PKD1L1: variants seen among roughly 807,000 people sequenced by gnomAD.
PKD1L1 encodes polycystin 1 like 1, transient receptor potential channel interacting, also known as polycystin-1-like protein 1.
A neutral mutation model predicts 323.4 loss-of-function variants in PKD1L1; 236 were observed. The ratio of observed to expected loss-of-function variants is 0.73; its 90% CI spans 0.66 to 0.81. The LOEUF (loss-of-function observed/expected upper bound fraction) is 0.81, where lower values mean the gene tolerates loss of function less well. Ranked by LOEUF, PKD1L1 falls within the 40% of genes least tolerant of loss-of-function variation. PKD1L1 has a pLI of 0.00. For synonymous variants in PKD1L1, 1,344 were observed against 1,335.0 expected (o/e 1.01, Z -0.15); for missense variants, 3,320 against 3,508.0 (o/e 0.95, Z 1.35).
intron 13 of PKD1L1, among the ~76,000 whole-genome samples, chr7:47,901,058 G>T (rs545755939): frequency 3.9e-4 from 59 of 152,098 alleles, no homozygotes; most frequent in African/African-American, 1.4e-3. Context: ...AAGAAAAAAT[G>T]ACCGGGCAGG....
Position 47,821,032 on chromosome 7 carries a change from A to G in PKD1L1, c.6965+44T>C, listed in dbSNP as rs200488906. ...GGAAGGTGCACACAGGCTATGGAAT[A>G]GTGCAATGGCCCCAGATCTGGAAGA... On this transcript the variant is annotated intron_variant, in intron 46 of 56. Transcript: ENST00000289672. The G allele has an allele frequency of 8.5e-4, 1,013 of 1,188,632 alleles. 7 individuals are homozygous for G. The African/African-American group carries it at 0.014, about 16-fold the overall frequency. The allele number at this position is 1,188,632 out of a possible 1,614,324, so 73.6% of individuals were successfully genotyped here. A position where few individuals can be genotyped will look rare whatever the true frequency, so the allele number is the denominator to read the frequency against.
At chr7:47,813,845 T>G in intron 48 of PKD1L1, 86 bp downstream of exon 48, 2 of 1,163,752 alleles carry the variant, frequency 1.7e-6, no homozygotes, top group Non-Finnish European at 2.5e-6. Flanking sequence ...GAAGTTCAAA[T>G]GATCTGCCAG....
rs890487641 is a variant in PKD1L1, at chr7:47,884,803, G to T, written c.3206-146C>A. On this transcript the variant is annotated intron_variant, in intron 18 of 56. Transcript: ENST00000289672. ...CTGTGGATTACAAAATACCCTCAGT[G>T]GTGGTGTCTTCCCTCACTCATGACA... 19 of 726,386 alleles carry T rather than the reference G, an allele frequency of 2.6e-5. No homozygotes were observed. The Admixed American group carries it at 2.7e-4, about 10-fold the overall frequency. The allele number at this position is 726,386 out of a possible 1,614,324, so 45.0% of individuals were successfully genotyped here. A position where few individuals can be genotyped will look rare whatever the true frequency, so the allele number is the denominator to read the frequency against.
intron 41 of PKD1L1, among the ~76,000 whole-genome samples, chr7:47,832,401 T>C (rs530625885): frequency 6.8e-4 from 104 of 152,354 alleles, no homozygotes; most frequent in African/African-American, 2.5e-3. Context: ...CTGAAGCTTG[T>C]TCACTCACAG....
At chr7:47,913,686 C>T (rs1051972875) in intron 8 of PKD1L1, among the ~76,000 whole-genome samples, 84 of 152,204 alleles carry the variant, frequency 5.5e-4, no homozygotes, top group African/African-American at 1.8e-3. Context: ...GAGGCTTCCC[C>T]GGAAGCTGAG....
rs143510449 is a variant in PKD1L1, at chr7:47,904,612, C to T, written c.1697G>A (p.Arg566His). 37 of 1,610,912 alleles carry T rather than the reference C, an allele frequency of 2.3e-5. No homozygotes were observed. The highest frequency in any genetic ancestry group is 8.3e-5 in the Admixed American group (5 of 59,918). ...KKRLSIPQWY[R>H]VMVKASNRMS... The stretch of plus-strand genomic sequence containing the variant: ...CCTGTTGGAAGCCTTAACCATCACA[C>T]GATACCTGCAGGATGGGGAAAGGAG... Residue 566 changes from arginine to histidine, a missense_variant, in exon 12 of 57, where the codon CGT becomes CAT. Physicochemically the swap from Arg to His is conservative, Grantham distance 29 (BLOSUM62 0). Coordinates refer to ENST00000289672, the MANE Select transcript of PKD1L1 (RefSeq NM_138295.5).
chr7:47,896,848 C>T (rs1451518560), intron 14 of PKD1L1, among the ~76,000 whole-genome samples: 1 of 152,174 alleles, frequency 6.6e-6, no homozygotes, highest in African/African-American at 2.4e-5. Context: ...CTCTATTCCC[C>T]AGCTGCCCCC....
At chr7:47,821,258 A>G in intron 45 of PKD1L1, 72 bp from the exon 46 acceptor site, 1 of 808,308 alleles carries the variant, frequency 1.2e-6, no homozygotes, top group East Asian at 2.7e-5. Flanking sequence ...TCAATTTGCA[A>G]AAGATTTATT....
Position 47,811,997 on chromosome 7 carries a change from G to A in PKD1L1, c.7401C>T (p.Arg2467=). Residue 2467 remains arginine, a synonymous_variant, in exon 50 of 57, where the codon CGC becomes CGT. Coordinates refer to ENST00000289672, the MANE Select transcript of PKD1L1 (RefSeq NM_138295.5). ...SRLRASMWID[R]STRAVSVHFT... ...AGTGCACAGACACAGCCCTGGTGCTGCGGTCAATCCACATGCTGGCCCTGA... is the reference window on the plus strand; with the variant it reads ...AGTGCACAGACACAGCCCTGGTGCTACGGTCAATCCACATGCTGGCCCTGA... 3.8e-6 allele frequency: 6 copies of A among 1,589,330 alleles called. No individual in the cohort carries two copies. Among genetic ancestry groups the A allele is most frequent in the African/African-American group, 1.3e-5 (1 of 74,494 alleles).
At chr7:47,809,753 G>GC in intron 50 of PKD1L1, 176 bp from the exon 51 acceptor site, 1 of 471,752 alleles carries the variant, frequency 2.1e-6, no homozygotes, top group Non-Finnish European at 3.7e-6. Flanking sequence ...GGCACTTGGG[G>GC]TGTTTGGTGC....
chr7:47,798,865 C>A (rs1446494904), intron 54 of PKD1L1, among the ~76,000 whole-genome samples: 1 of 151,614 alleles, frequency 6.6e-6, no homozygotes, highest in East Asian at 1.9e-4. Context: ...AGCCAGGACA[C>A]CAACAGCAAA....
chr7:47,847,056 T>C lies in PKD1L1; in HGVS notation c.4976A>G (p.Tyr1659Cys). 2 of 1,585,102 alleles carry C rather than the reference T, an allele frequency of 1.3e-6. No individual in the cohort carries two copies. The highest frequency in any genetic ancestry group is 1.7e-6 in the Non-Finnish European group (2 of 1,169,464). The stretch of plus-strand genomic sequence containing the variant: ...ATAGTCAGCATCCAATAAGGATAAA[T>C]AGCCTACACTGGCATCTAAAAAGAG... ...AASQKDASVG[Y>C]LSLLDADYDR... The change falls in exon 32 of 57, where the codon TAT (tyrosine) becomes TGT (cysteine). Residue 1659 changes from tyrosine to cysteine, a missense_variant. Transcript: ENST00000289672.
intron 9 of PKD1L1, among the ~76,000 whole-genome samples, chr7:47,907,049 C>T (rs576192832): frequency 1.3e-5 from 2 of 152,342 alleles, no homozygotes; most frequent in African/African-American, 2.4e-5. Flanking sequence ...GCTAGACGTG[C>T]TGCTTATTTA....
At chr7:47,953,595 C>T in the PKD1L1 span, among the ~76,000 whole-genome samples, 7 of 152,224 alleles carry the variant, frequency 4.6e-5, no homozygotes, top group Non-Finnish European at 7.3e-5. Flanking sequence ...GGAGGCCCAC[C>T]TGTCATTTGG....
chr7:47,800,534 C>T, intron 54 of PKD1L1, 115 bp downstream of exon 54: 1 of 1,066,544 alleles, frequency 9.4e-7, no homozygotes. Context: ...GGATTCATTA[C>T]CATGAGATCT....
At position 47,904,521 on chromosome 7, in the gene PKD1L1, G is replaced by A. The variant is rs1339429442; in HGVS notation, c.1788C>T (p.Leu596=). The A allele has an allele frequency of 6.2e-7, 1 of 1,614,098 alleles. No homozygotes were observed. Among genetic ancestry groups the A allele is most frequent in the South Asian group, 1.1e-5 (1 of 91,080 alleles). The change falls in exon 12 of 57, where the codon CTC becomes CTT. Residue 596 remains leucine, a synonymous_variant. Coordinates refer to ENST00000289672, the MANE Select transcript of PKD1L1 (RefSeq NM_138295.5). ...RVQKKIVANR[L]TSPSSALVNA... ...TTACCAGAGCTGAGGAGGGGGACGT[G>A]AGCCGATTGGCCACAATTTTCTTCT...
At chr7:47,822,655 T>C (rs540274706) in intron 45 of PKD1L1, among the ~76,000 whole-genome samples, 1 of 149,720 alleles carries the variant, frequency 6.7e-6, no homozygotes, top group East Asian at 2.0e-4. Flanking sequence ...CAGATCAAAT[T>C]AGAAAGAATA....
rs986659622 is a variant in PKD1L1 at position 47,814,080 on chromosome 7, T to A, written c.7090-66A>T. On this transcript the variant is annotated intron_variant, in intron 47 of 56. Coordinates refer to ENST00000289672, the MANE Select transcript of PKD1L1 (RefSeq NM_138295.5). ...GGACTTCAAACCTCCTCATCAAGCG[T>A]GCTCAAAAGGCGTGGGGCTCTGGGT... is the stretch of plus-strand genomic sequence containing the variant. 5 of 1,378,890 alleles carry A rather than the reference T, an allele frequency of 3.6e-6. No individual in the cohort carries two copies. The Admixed American group carries it at 8.7e-5, about 24-fold the overall frequency. The allele number at this position is 1,378,890 out of a possible 1,614,324, so 85.4% of individuals were successfully genotyped here. A position where few individuals can be genotyped will look rare whatever the true frequency, so the allele number is the denominator to read the frequency against.
chr7:47,947,623 C>A (rs554424837), intron 1 of PKD1L1, among the ~76,000 whole-genome samples: 1 of 152,362 alleles, frequency 6.6e-6, no homozygotes, highest in African/African-American at 2.4e-5. Context: ...CCAGCCTCAA[C>A]AACACATGGG....
Sources: gnomAD v4.1 joint callset for allele counts (sites outside exome capture counted in the v4.1 genomes callset) on GRCh38, gnomAD v4.1.1 for gene constraint, MANE v1.5 for transcripts, NCBI Gene and HGNC (gene_info 2026-07-23, HGNC 2026-07-21) for gene names.